Variants in RIMS1 observed in about 807,000 individuals in gnomAD.
RIMS1 encodes the protein regulating synaptic membrane exocytosis protein 1.
In RIMS1, 83 loss-of-function variants were observed where a neutral mutation model predicts 214.1. The observed-to-expected ratio is 0.39, with a 90% CI of 0.32 to 0.47. The LOEUF (loss-of-function observed/expected upper bound fraction) is 0.47, where lower values mean the gene tolerates loss of function less well. Ranked by LOEUF, RIMS1 falls within the 20% of genes least tolerant of loss-of-function variation. The pLI, the probability that RIMS1 is intolerant of heterozygous loss-of-function variation, is 0.99. For missense variants in RIMS1, 2,050 were observed against 2,161.8 expected (o/e 0.95, Z 1.03); for synonymous variants, 793 against 786.8 (o/e 1.01, Z -0.13).
At position 72,250,906 on chromosome 6, in the gene RIMS1, A is replaced by G. The variant is rs375416928; in HGVS notation, c.2373-15A>G. 4 of 1,436,960 alleles carry G rather than the reference A, an allele frequency of 2.8e-6. No individual in the cohort carries two copies. In the African/African-American group the frequency reaches 4.3e-5, roughly 16 times the overall value. 89.0% of individuals were successfully genotyped at this position (1,436,960 alleles called of 1,614,324 possible). On this transcript the variant is annotated splice_polypyrimidine_tract_variant and intron_variant, in intron 13 of 33. Transcript: ENST00000521978. ...GTACTTGCTTTTTCATTTACAAAACATACTTATTTTTCAGTGATAAAAGTA... is the reference window on the plus strand; with the variant it reads ...GTACTTGCTTTTTCATTTACAAAACGTACTTATTTTTCAGTGATAAAAGTA...
intron 28 of RIMS1, among the ~76,000 whole-genome samples, chr6:72,320,337 C>T (rs751206465): frequency 6.6e-5 from 10 of 152,090 alleles, no homozygotes; most frequent in Non-Finnish European, 1.0e-4. Flanking sequence ...TCAACTAAAG[C>T]AGTTCTACTA....
chr6:72,052,917 T>C (rs2152162575), intron 2 of RIMS1, among the ~76,000 whole-genome samples: 1 of 152,292 alleles, frequency 6.6e-6, no homozygotes, highest in East Asian at 1.9e-4. Flanking sequence ...GGGAATTTGC[T>C]TCTGAGTGAG....
intron 4 of RIMS1, among the ~76,000 whole-genome samples, chr6:72,159,115 C>T (rs1324052711): frequency 1.4e-5 from 2 of 140,810 alleles, no homozygotes; most frequent in Admixed American, 7.3e-5. Context: ...TGGTATCTGA[C>T]TGTGGTTTTG....
At chr6:72,227,486 C>G (rs1351365033) in intron 6 of RIMS1, among the ~76,000 whole-genome samples, 1 of 151,858 alleles carries the variant, frequency 6.6e-6, no homozygotes, top group Admixed American at 6.6e-5. Flanking sequence ...AATTTTGATT[C>G]TGAGTTCCAT....
At chr6:72,391,382 G>A (rs2098700278) in intron 30 of RIMS1, among the ~76,000 whole-genome samples, 1 of 147,188 alleles carries the variant, frequency 6.8e-6, no homozygotes, top group African/African-American at 2.5e-5. Context: ...ATTTCATATG[G>A]ATCCTGCACA....
chr6:71,927,956 T>C (rs1232957803), intron 1 of RIMS1, among the ~76,000 whole-genome samples: 1 of 152,172 alleles, frequency 6.6e-6, no homozygotes, highest in Non-Finnish European at 1.5e-5. Flanking sequence ...AGAGTCTTCA[T>C]ATTTTTCATA....
In RIMS1 at chr6:72,396,402, T is replaced by C. The variant is rs1029351036; in HGVS notation, c.4619-1847T>C. Among the ~76,000 whole-genome samples the C allele has an allele frequency of 2.0e-5, 3 of 152,314 alleles. No homozygotes were observed. In the East Asian group the frequency reaches 5.8e-4, roughly 29 times the overall value. ...TTCTGATACACTACTATTAGAAGCA[T>C]AATTTGGTGCAGTCACCAATTGGAA... On this transcript the variant is annotated intron_variant, in intron 31 of 33. Transcript: ENST00000521978.
chr6:72,252,623 G>T, intron 15 of RIMS1, 138 bp from the exon 16 acceptor site: 1 of 666,200 alleles, frequency 1.5e-6, no homozygotes, highest in Non-Finnish European at 2.7e-6. Flanking sequence ...TTTAAAATTA[G>T]CTCAGTGTTT....
chr6:72,131,850 C>T (rs997384338), intron 4 of RIMS1, among the ~76,000 whole-genome samples: 16 of 152,190 alleles, frequency 1.1e-4, no homozygotes, highest in African/African-American at 1.2e-4. Flanking sequence ...CCAAGGGGGC[C>T]GTGTATAGAC....
At chr6:71,939,388 A>G (rs1233475842) in intron 1 of RIMS1, among the ~76,000 whole-genome samples, 2 of 152,088 alleles carry the variant, frequency 1.3e-5, no homozygotes, top group Admixed American at 6.5e-5. Flanking sequence ...GTTTCTTCCA[A>G]TCTGTACACA....
chr6:72,023,573 A>G (rs1011685676), intron 2 of RIMS1, among the ~76,000 whole-genome samples: 4 of 152,088 alleles, frequency 2.6e-5, no homozygotes. Flanking sequence ...AACTTTCAGT[A>G]AGTATGATGT....
chr6:71,943,103 A>G (rs1786699913), intron 1 of RIMS1, among the ~76,000 whole-genome samples: 1 of 152,144 alleles, frequency 6.6e-6, no homozygotes. Flanking sequence ...TAGTACTGGC[A>G]TGTCTTTATG....
intron 29 of RIMS1, 151 bp from the exon 30 acceptor site, chr6:72,390,447 G>A (rs2098685085): frequency 1.1e-6 from 1 of 887,550 alleles, no homozygotes; most frequent in Non-Finnish European, 1.7e-6. Context: ...CAAGGAGCCT[G>A]AATCAAGCAA....
intron 4 of RIMS1, among the ~76,000 whole-genome samples, chr6:72,163,880 C>T (rs955261389): frequency 2.0e-5 from 3 of 152,106 alleles, no homozygotes; most frequent in African/African-American, 7.2e-5. Context: ...CTCAGATCTC[C>T]AGCTGCGTGC....
At chr6:72,212,243 AT>A (rs1245308667) in intron 6 of RIMS1, among the ~76,000 whole-genome samples, 23 of 151,812 alleles carry the variant, frequency 1.5e-4, no homozygotes, top group African/African-American at 5.5e-4. Context: ...TATGCATCTC[AT>A]TTATCAGAAG....
chr6:72,088,153 G>A lies in RIMS1; in HGVS notation c.246-8796G>A, dbSNP rs150861000. Among the ~76,000 whole-genome samples the A allele has an allele frequency of 1.4e-3, 216 of 152,006 alleles. 1 individual carries two copies. The highest frequency in any genetic ancestry group is 5.0e-3 in the African/African-American group (206 of 41,468). Reference sequence around the variant, plus strand: ...TTGTTCCATAAATTTTTCATAAAGTGTCAGTGATTTCACCATTCTTCTGCC... The same window carrying A: ...TTGTTCCATAAATTTTTCATAAAGTATCAGTGATTTCACCATTCTTCTGCC... On this transcript the variant is annotated intron_variant, in intron 2 of 33. Transcript: ENST00000521978.
At chr6:72,011,554 C>G (rs1204457) in intron 2 of RIMS1, among the ~76,000 whole-genome samples, 68,769 of 151,774 alleles carry the variant, frequency 0.45, 16,199 homozygotes, top group Non-Finnish European at 0.52. Flanking sequence ...CCTACAAAAT[C>G]GGAGAAAATT....
intron 29 of RIMS1, among the ~76,000 whole-genome samples, chr6:72,385,566 A>G (rs1252509104): frequency 6.6e-6 from 1 of 152,254 alleles, no homozygotes; most frequent in Non-Finnish European, 1.5e-5. Flanking sequence ...ATTTAGAAAG[A>G]CAGGTTTCTA....
intron 29 of RIMS1, among the ~76,000 whole-genome samples, chr6:72,343,303 G>A (rs2097155229): frequency 6.6e-6 from 1 of 151,494 alleles, no homozygotes; most frequent in African/African-American, 2.4e-5. Context: ...AGATTCTTAA[G>A]CCCATTTAAT....
Sources: allele counts gnomAD v4.1 joint callset (sites outside exome capture counted in the v4.1 genomes callset), GRCh38; gene constraint gnomAD v4.1.1; transcripts MANE v1.5; gene names NCBI Gene and HGNC (gene_info 2026-07-23, HGNC 2026-07-21).